The following FAM228A variants were observed in gnomAD, a reference collection of about 807,000 sequenced individuals.
The protein encoded by FAM228A is family with sequence similarity 228 member A.
A neutral mutation model predicts 18.6 loss-of-function variants in FAM228A; 13 were observed. The ratio of observed to expected loss-of-function variants is 0.70; its 90% CI spans 0.45 to 1.11. FAM228A has a LOEUF of 1.11. FAM228A is among the 50% of genes least tolerant of loss of function. The pLI is 0.00. For missense variants in FAM228A, 240 were observed against 242.2 expected, an observed-to-expected ratio of 0.99 and a Z score of 0.06; for synonymous variants, 77 against 86.6, an observed-to-expected ratio of 0.89 and a Z score of 0.61.
chr2:24,189,127 C>G (rs1668023765), intron 5 of FAM228A, among the ~76,000 whole-genome samples: 1 of 152,170 alleles, frequency 6.6e-6, no homozygotes, highest in Non-Finnish European at 1.5e-5. Flanking sequence ...CGCTGGTATT[C>G]TTCCTTCAGG....
intron 3 of FAM228A, among the ~76,000 whole-genome samples, chr2:24,179,966 A>G (rs1341433458): frequency 1.3e-5 from 2 of 152,228 alleles, no homozygotes; most frequent in African/African-American, 2.4e-5. Flanking sequence ...ACCAGTAGGT[A>G]TTAGGACTAA....
In FAM228A at chr2:24,191,629, G is replaced by A. The variant is rs933672692; in HGVS notation, c.*998G>A. On this transcript the variant is annotated 3_prime_UTR_variant, in exon 6 of 6. Coordinates refer to ENST00000295150, the MANE Select transcript of FAM228A (RefSeq NM_001040710.3). Reference sequence around the variant, plus strand: ...CCACCAGCTCACATTTACTGTTTTCGTGTGTGTGGTGAGAATACTCACAAT... The same window carrying A: ...CCACCAGCTCACATTTACTGTTTTCATGTGTGTGGTGAGAATACTCACAAT... 2 of 340,738 alleles carry A rather than the reference G, an allele frequency of 5.9e-6. No homozygotes were observed. The highest frequency in any genetic ancestry group is 6.4e-5 in the Admixed American group (1 of 15,512). 21.1% of individuals were successfully genotyped at this position (340,738 alleles called of 1,614,324 possible). A position where few individuals can be genotyped will look rare whatever the true frequency, so the allele number is the denominator to read the frequency against.
chr2:24,177,541 G>GT (rs1667719106), intron 2 of FAM228A, among the ~76,000 whole-genome samples: 1 of 35,814 alleles, frequency 2.8e-5, no homozygotes, highest in South Asian at 2.2e-3. Flanking sequence ...TGCTATCAGG[G>GT]ATTTTTTTTA....
Position 24,183,369 on chromosome 2 carries a change from A to G in FAM228A, c.247A>G (p.Thr83Ala). ...EERRTGLQCE[T>A]GKRHSIKELE... ...GAGGAGAACTGGTCTTCAGTGTGAG[A>G]CAGGTGCTTTGTGATCACTGGGCCT... Residue 83 changes from threonine to alanine, a missense_variant, in exon 4 of 6, where the codon ACA becomes GCA. Physicochemically the swap from Thr to Ala is moderately conservative, Grantham distance 58 (BLOSUM62 0). Transcript: ENST00000295150. 1 of 1,613,690 alleles carries G rather than the reference A, an allele frequency of 6.2e-7. No individual in the cohort carries two copies. The highest frequency in any genetic ancestry group is 1.1e-5 in the South Asian group (1 of 91,078).
intron 5 of FAM228A, among the ~76,000 whole-genome samples, chr2:24,185,455 CAAAT>C (rs747727954): frequency 1.8e-4 from 28 of 152,060 alleles, no homozygotes; most frequent in Admixed American, 3.9e-4. Context: ...CACATACAAA[CAAAT>C]AAAAAAGTAA....
intron 2 of FAM228A, 153 bp downstream of exon 2, chr2:24,175,726 C>T (rs754324936): frequency 1.2e-4 from 88 of 761,328 alleles, no homozygotes; most frequent in Non-Finnish European, 1.7e-4. Context: ...TCAGATTTGG[C>T]CGAGAGTGTG....
chr2:24,187,592 C>G (rs763209483), intron 5 of FAM228A, among the ~76,000 whole-genome samples: 4 of 152,200 alleles, frequency 2.6e-5, no homozygotes, highest in Non-Finnish European at 5.9e-5. Context: ...CATCTCTCTT[C>G]CCCACTAACC....
chr2:24,191,188 C>A lies in FAM228A; in HGVS notation c.*557C>A. 1 of 985,608 alleles carries A rather than the reference C, an allele frequency of 1.0e-6. No individual in the cohort carries two copies. The highest frequency in any genetic ancestry group is 4.7e-5 in the South Asian group (1 of 21,284). The allele number at this position is 985,608 out of a possible 1,614,324, so 61.1% of individuals were successfully genotyped here. On this transcript the variant is annotated 3_prime_UTR_variant, in exon 6 of 6. Transcript: ENST00000295150. The stretch of plus-strand genomic sequence containing the variant: ...GGTCTATTTCCCCTTCCATTCTCTC[C>A]GCCACGCCCTGTGCCCTGAGGCCTG...
Position 24,175,898 on chromosome 2 carries a change from G to A in FAM228A, c.93+325G>A, listed in dbSNP as rs145570150. ...CGTCTGGTAATGATTTTCTCAAAAA[G>A]TTTCATTATTTTGTGTCATCCTATG... On this transcript the variant is annotated intron_variant, in intron 2 of 5. Transcript: ENST00000295150. The A allele has an allele frequency of 3.1e-5, 33 of 1,079,188 alleles. No homozygotes were observed. In the South Asian group the frequency reaches 7.1e-4, roughly 23 times the overall value. The allele number at this position is 1,079,188 out of a possible 1,614,324, so 66.9% of individuals were successfully genotyped here. A position where few individuals can be genotyped will look rare whatever the true frequency, so the allele number is the denominator to read the frequency against.
At chr2:24,186,158 C>G (rs777605589) in intron 5 of FAM228A, among the ~76,000 whole-genome samples, 11 of 152,044 alleles carry the variant, frequency 7.2e-5, no homozygotes, top group Non-Finnish European at 1.5e-4. Context: ...CACCACCACA[C>G]CCGGCTAATT....
intron 2 of FAM228A, chr2:24,176,325 C>T (rs985364612): frequency 8.3e-5 from 41 of 491,900 alleles, no homozygotes; most frequent in Middle Eastern, 1.1e-3. Flanking sequence ...GTTTTACATA[C>T]TTTTTCAGTT....
At chr2:24,175,432 C>G in intron 1 of FAM228A, 35 bp from the exon 2 acceptor site, 1 of 1,477,646 alleles carries the variant, frequency 6.8e-7, no homozygotes, top group East Asian at 2.3e-5. Context: ...CGGTAACCGT[C>G]TTCCTCAGCC....
In FAM228A at chr2:24,190,443, C is replaced by CA. The variant is rs772252792; in HGVS notation, c.434dup (p.Lys146GlufsTer16). The CA allele has an allele frequency of 6.2e-7, 1 of 1,613,474 alleles. No homozygotes were observed. The highest frequency in any genetic ancestry group is 8.5e-7 in the Non-Finnish European group (1 of 1,179,880). On this transcript the variant is annotated frameshift_variant, in exon 6 of 6. Transcript: ENST00000295150. LOFTEE classifies it low-confidence loss of function (END_TRUNC). The stretch of plus-strand genomic sequence containing the variant: ...AAAGCTCATCTATGCAGACAAGAAA[C>CA]AGAAAAGAAAAGAGAAAAAGACGGC...
chr2:24,176,963 A>G (rs1344579061), intron 2 of FAM228A, among the ~76,000 whole-genome samples: 2 of 152,240 alleles, frequency 1.3e-5, no homozygotes, highest in African/African-American at 2.4e-5. Flanking sequence ...AAAATGCATC[A>G]GCTTTACCCA....
At chr2:24,176,273 G>C (rs1667689758) in intron 2 of FAM228A, 1 of 865,902 alleles carries the variant, frequency 1.2e-6, no homozygotes, top group Admixed American at 6.2e-5. Flanking sequence ...TAAATAAATA[G>C]ATTCTAAATT....
chr2:24,184,613 A>G (rs992663160), intron 5 of FAM228A, among the ~76,000 whole-genome samples: 1 of 152,002 alleles, frequency 6.6e-6, no homozygotes, highest in Non-Finnish European at 1.5e-5. Context: ...TTGTTTCCAT[A>G]TTTTGGCTAT....
intron 3 of FAM228A, 119 bp downstream of exon 3, chr2:24,177,989 G>T: frequency 1.6e-6 from 1 of 629,554 alleles, no homozygotes; most frequent in East Asian, 2.8e-5. Context: ...CAGGAGTAAT[G>T]AGGATCCTCT....
intron 5 of FAM228A, among the ~76,000 whole-genome samples, chr2:24,189,411 T>C (rs1668030378): frequency 6.6e-6 from 1 of 152,226 alleles, no homozygotes. Flanking sequence ...GGCTGTTGCC[T>C]GCCTTTGCTC....
intron 5 of FAM228A, among the ~76,000 whole-genome samples, chr2:24,184,518 G>A (rs772056299): frequency 1.3e-5 from 2 of 152,074 alleles, no homozygotes; most frequent in Non-Finnish European, 2.9e-5. Flanking sequence ...TATAGCTCCA[G>A]TGTATTAACT....
Sources: gnomAD v4.1 joint callset for allele counts (sites outside exome capture counted in the v4.1 genomes callset) on GRCh38, gnomAD v4.1.1 for gene constraint, MANE v1.5 for transcripts, NCBI Gene and HGNC (gene_info 2026-07-23, HGNC 2026-07-21) for gene names.